ODC1: variants seen among roughly 807,000 people sequenced by gnomAD.
ODC1 encodes ornithine decarboxylase.
Under a neutral mutation model 41.5 loss-of-function variants are expected in ODC1, and 18 were observed. The observed-to-expected ratio is 0.43, with a 90% CI of 0.30 to 0.64. The LOEUF (loss-of-function observed/expected upper bound fraction) is 0.64, where lower values mean the gene tolerates loss of function less well. Ranked by LOEUF, ODC1 falls within the 30% of genes least tolerant of loss-of-function variation. ODC1 has a pLI of 0.11. For missense variants in ODC1, 504 were observed against 589.0 expected, an observed-to-expected ratio of 0.86 and a Z score of 1.49; for synonymous variants, 218 against 211.6, an observed-to-expected ratio of 1.03 and a Z score of -0.26.
Position 10,439,989 on chromosome 2 carries a change from T to C in ODC1, c.*735A>G, listed in dbSNP as rs1159965505. ...ATGGTAGGGACTTGCTGTTGCTGAA[T>C]TTATTAAAATAAGCTGACTGCCAAA... is the stretch of plus-strand genomic sequence containing the variant. On this transcript the variant is annotated 3_prime_UTR_variant, in exon 12 of 12. Coordinates refer to ENST00000234111, the MANE Select transcript of ODC1 (RefSeq NM_002539.3). The C allele has an allele frequency of 6.6e-6, 1 of 152,268 alleles. No individual in the cohort carries two copies. Among genetic ancestry groups the C allele is most frequent in the African/African-American group, 2.4e-5 (1 of 41,442 alleles). The allele number at this position is 152,268 out of a possible 1,614,324, so 9.4% of individuals were successfully genotyped here.
In ODC1 at chr2:10,441,856, T is replaced by G; in HGVS notation, c.987A>C (p.Ile329=). The G allele has an allele frequency of 6.2e-7, 1 of 1,614,086 alleles. No homozygotes were observed. The highest frequency in any genetic ancestry group is 2.2e-5 in the East Asian group (1 of 44,884). Residue 329 remains isoleucine (I), a synonymous_variant, in exon 10 of 12, where the codon ATA becomes ATC. Coordinates refer to ENST00000234111, the MANE Select transcript of ODC1 (RefSeq NM_002539.3). ...NDGVYGSFNC[I]LYDHAHVKPL... The stretch of plus-strand genomic sequence containing the variant: ...GCTTTACATGTGCGTGGTCATAGAG[T>G]ATGCAATTAAATGATCCATAGACGC...
chr2:10,444,738 G>A (rs1219166212), intron 3 of ODC1, 91 bp from the exon 4 acceptor site: 3 of 1,174,156 alleles, frequency 2.6e-6, no homozygotes, highest in Admixed American at 2.1e-5. Context: ...CAGTCACAAT[G>A]AATCCTGCTC....
At position 10,444,195 on chromosome 2, in the gene ODC1, C is replaced by A; in HGVS notation, c.349G>T (p.Val117Leu). 6.2e-7 allele frequency: 1 copy of A among 1,613,122 alleles called. No individual in the cohort carries two copies. The highest frequency in any genetic ancestry group is 8.5e-7 in the Non-Finnish European group (1 of 1,179,768). ...RIIYANPCKQ[V>L]SQIKYAANNG... ...TTAGCAGCATACTTAATTTGAGATACTTGTTTACAAGGATTTGCATAGATA... is the reference window on the plus strand; with the variant it reads ...TTAGCAGCATACTTAATTTGAGATAATTGTTTACAAGGATTTGCATAGATA... Residue 117 changes from valine to leucine, a missense_variant, in exon 5 of 12, where the codon GTA (valine) becomes TTA (leucine). Val to Leu is a conservative substitution (Grantham distance 32). Around this residue, in one of 3 missense-constraint regions of ODC1, gnomAD observed 447 missense variants for 524.4 expected, o/e 0.85. Transcript: ENST00000234111.
chr2:10,445,543 G>A (rs1038170466), intron 1 of ODC1, among the ~76,000 whole-genome samples: 16 of 152,210 alleles, frequency 1.1e-4, no homozygotes, highest in African/African-American at 3.9e-4. Context: ...AAGCTTATCT[G>A]CACTTAGCTC....
intron 1 of ODC1, among the ~76,000 whole-genome samples, 173 bp from the exon 2 acceptor site, chr2:10,445,437 G>T (rs558127045): frequency 6.6e-6 from 1 of 152,290 alleles, no homozygotes; most frequent in Non-Finnish European, 1.5e-5. Flanking sequence ...AACCTTGGCA[G>T]TATAAGGACA....
intron 1 of ODC1, among the ~76,000 whole-genome samples, chr2:10,446,376 G>A (rs980363557): frequency 7.9e-5 from 12 of 152,174 alleles, no homozygotes; most frequent in Non-Finnish European, 1.8e-4. Context: ...CCGACCTCAG[G>A]TGATCCGCCT....
chr2:10,447,015 A>C (rs1165274026), intron 1 of ODC1, among the ~76,000 whole-genome samples: 1 of 152,230 alleles, frequency 6.6e-6, no homozygotes. Flanking sequence ...AATATTTACA[A>C]TTTAATAATA....
Position 10,443,822 on chromosome 2 carries a change from A to G in ODC1, c.464T>C (p.Ile155Thr). The change falls in exon 6 of 12, where the codon ATT becomes ACT. Residue 155 changes from isoleucine to threonine, a missense_variant. This residue lies in a region of ODC1 where 447 missense variants were observed against 524.4 expected (regional missense o/e 0.85). Transcript: ENST00000234111. Reference protein sequence around the residue: ...AHPKAKLVLRIATDDSKAVCR... With the variant: ...AHPKAKLVLRTATDDSKAVCR... ...GACTGCTTTGGAATCATCAGTGGCAATCCGCAAAACCAACCTACAAGCAAG... is the reference window on the plus strand; with the variant it reads ...GACTGCTTTGGAATCATCAGTGGCAGTCCGCAAAACCAACCTACAAGCAAG... 1.2e-6 allele frequency: 2 copies of G among 1,614,074 alleles called. No individual in the cohort carries two copies.
rs1671973348 is a variant in ODC1 at position 10,445,248 on chromosome 2, G to A, written c.-111C>T. 1 of 479,960 alleles carries A rather than the reference G, an allele frequency of 2.1e-6. No individual in the cohort carries two copies. The highest frequency in any genetic ancestry group is 3.8e-6 in the Non-Finnish European group (1 of 264,776). The allele number at this position is 479,960 out of a possible 1,614,324, so 29.7% of individuals were successfully genotyped here. On this transcript the variant is annotated 5_prime_UTR_variant, in exon 2 of 12. Coordinates refer to ENST00000234111, the MANE Select transcript of ODC1 (RefSeq NM_002539.3). ...TCCAAATCCCTCTGCGTGTGCCCTT[G>A]GAACAGCAGTGACAATCTGAGAAAT...
rs757687306 is a variant in ODC1 at position 10,444,456 on chromosome 2, C to T, written c.276+18G>A. 6.3e-7 allele frequency: 1 copy of T among 1,593,222 alleles called. No homozygotes were observed. The highest frequency in any genetic ancestry group is 1.1e-5 in the South Asian group (1 of 88,014). ...CCCATTTTATACAACGCTTTTGAGG[C>T]CTGCTGCTATCGCTTACCTTGCTAG... On this transcript the variant is annotated intron_variant, in intron 4 of 11. Transcript: ENST00000234111.
rs1671791038 is a variant in ODC1, at chr2:10,440,662, A to G, written c.*62T>C. Reference sequence around the variant, plus strand: ...TCAAAACTAGCAGTAATTAAGTTACATGGTCCCCCCAAATCCCTTAATTCA... The same window carrying G: ...TCAAAACTAGCAGTAATTAAGTTACGTGGTCCCCCCAAATCCCTTAATTCA... On this transcript the variant is annotated 3_prime_UTR_variant, in exon 12 of 12. Coordinates refer to ENST00000234111, the MANE Select transcript of ODC1 (RefSeq NM_002539.3). The G allele has an allele frequency of 4.5e-6, 7 of 1,541,014 alleles. No homozygotes were observed. Among genetic ancestry groups the G allele is most frequent in the Non-Finnish European group, 6.2e-6 (7 of 1,128,642 alleles).
chr2:10,443,382 A>C, intron 7 of ODC1, 69 bp from the exon 8 acceptor site: 3 of 1,556,944 alleles, frequency 1.9e-6, no homozygotes, highest in Non-Finnish European at 2.7e-6. Context: ...AGATAGGCTG[A>C]AACCCATGTA....
At chr2:10,443,393 A>G in intron 7 of ODC1, 80 bp from the exon 8 acceptor site, 1 of 1,550,950 alleles carries the variant, frequency 6.4e-7, no homozygotes, top group Non-Finnish European at 8.9e-7. Flanking sequence ...AACCCATGTA[A>G]TACAGAACCA....
intron 11 of ODC1, 86 bp from the exon 12 acceptor site, chr2:10,440,954 C>T: frequency 6.8e-7 from 1 of 1,461,186 alleles, no homozygotes; most frequent in East Asian, 2.3e-5. Context: ...GGAAACAATT[C>T]AATGTATTTT....
chr2:10,444,288 C>T, intron 4 of ODC1, 21 bp from the exon 5 acceptor site: 1 of 1,560,920 alleles, frequency 6.4e-7, no homozygotes. Context: ...AGAGTGGTGT[C>T]ATGCTATCCA....
At position 10,443,295 on chromosome 2, in the gene ODC1, T is replaced by C. The variant is rs1372364302; in HGVS notation, c.685A>G (p.Met229Val). 3.1e-6 allele frequency: 5 copies of C among 1,611,216 alleles called. No individual in the cohort carries two copies. Among genetic ancestry groups the C allele is most frequent in the Non-Finnish European group, 4.2e-6 (5 of 1,179,394 alleles). ...CCACCGCCAATATCAAGCAGATACA[T>C]GCTGAAACCAACCTCAGCCTAGAAT... is the stretch of plus-strand genomic sequence containing the variant. ...FDMGAEVGFS[M>V]YLLDIGGGFP... is the part of the protein sequence containing the mutation. Residue 229 changes from methionine (M) to valine (V), a missense_variant, in exon 8 of 12, where the codon ATG (methionine) becomes GTG (valine). By Grantham distance (21) the Met-to-Val change is conservative. Transcript: ENST00000234111.
intron 11 of ODC1, among the ~76,000 whole-genome samples, chr2:10,441,086 G>A (rs1248821038): frequency 6.6e-6 from 1 of 152,054 alleles, no homozygotes; most frequent in East Asian, 1.9e-4. Context: ...CCAAGCAGCT[G>A]GGACTACAGG....
At chr2:10,446,405 G>A (rs1672015395) in intron 1 of ODC1, among the ~76,000 whole-genome samples, 1 of 152,214 alleles carries the variant, frequency 6.6e-6, no homozygotes, top group South Asian at 2.1e-4. Context: ...CTCCCAAAGT[G>A]TTGGGATTAC....
intron 3 of ODC1, 66 bp downstream of exon 3, chr2:10,444,865 T>C (rs980766791): frequency 8.3e-7 from 1 of 1,199,194 alleles, no homozygotes. Context: ...TCCTTAGACC[T>C]TGCCAAAGTT....
Sources: gnomAD v4.1 joint callset for allele counts (sites outside exome capture counted in the v4.1 genomes callset) on GRCh38, gnomAD v4.1.1 for gene constraint, gnomAD v4.1.1 regional missense constraint, MANE v1.5 for transcripts, NCBI Gene and HGNC (gene_info 2026-07-23, HGNC 2026-07-21) for gene names.